SEMA3C: variants seen among roughly 807,000 people sequenced by gnomAD.
SEMA3C encodes the protein semaphorin 3C, also known as semaphorin-3C.
In SEMA3C, 47 loss-of-function variants were observed where a neutral mutation model predicts 89.4. The ratio of observed to expected loss-of-function variants is 0.53; its 90% CI spans 0.42 to 0.67. The LOEUF is 0.67. Ranked by LOEUF, SEMA3C falls within the 30% of genes least tolerant of loss-of-function variation. SEMA3C has a pLI of 0.00. For synonymous variants in SEMA3C, 310 were observed against 320.2 expected (o/e 0.97, Z 0.34); for missense variants, 839 against 929.1 (o/e 0.90, Z 1.26).
intron 5 of SEMA3C, among the ~76,000 whole-genome samples, chr7:80,816,512 A>T (rs1395289284): frequency 1.3e-5 from 2 of 152,198 alleles, no homozygotes; most frequent in African/African-American, 4.8e-5. Context: ...GAGATCTTTT[A>T]TCCTAAACTA....
chr7:80,787,595 T>A (rs879930921), intron 12 of SEMA3C, among the ~76,000 whole-genome samples: 25 of 152,120 alleles, frequency 1.6e-4, no homozygotes, highest in Non-Finnish European at 3.1e-4. Flanking sequence ...TTTCAGTGGT[T>A]AAAAGCCTAT....
chr7:80,902,477 G>A (rs910764044), intron 2 of SEMA3C, among the ~76,000 whole-genome samples: 1 of 152,026 alleles, frequency 6.6e-6, no homozygotes, highest in African/African-American at 2.4e-5. Context: ...ATCTAACTGT[G>A]CATATTAAAA....
chr7:80,745,533 G>A (rs1041007819), intron 17 of SEMA3C, among the ~76,000 whole-genome samples: 1 of 151,362 alleles, frequency 6.6e-6, no homozygotes, highest in Non-Finnish European at 1.5e-5. Flanking sequence ...ATCTAATAGA[G>A]GGTGAAGATA....
chr7:80,829,041 T>C (rs945176863), intron 2 of SEMA3C, among the ~76,000 whole-genome samples: 1 of 151,922 alleles, frequency 6.6e-6, no homozygotes, highest in Non-Finnish European at 1.5e-5. Flanking sequence ...GTGGTATGTG[T>C]CTTTAGTCCC....
intron 2 of SEMA3C, among the ~76,000 whole-genome samples, chr7:80,878,530 T>C (rs1203504194): frequency 2.6e-5 from 4 of 152,144 alleles, no homozygotes; most frequent in African/African-American, 9.7e-5. Flanking sequence ...GGAAGTTAGC[T>C]TGGGCACTGG....
intron 2 of SEMA3C, among the ~76,000 whole-genome samples, chr7:80,882,512 A>T (rs1791370526): frequency 6.9e-6 from 1 of 144,200 alleles, no homozygotes; most frequent in African/African-American, 2.6e-5. Context: ...AAAAAAAGCT[A>T]CCTCATAGAG....
chr7:80,910,201 C>A (rs552688483), intron 2 of SEMA3C, among the ~76,000 whole-genome samples: 1 of 152,128 alleles, frequency 6.6e-6, no homozygotes, highest in South Asian at 2.1e-4. Flanking sequence ...AGCCTCCATG[C>A]CAATTTACTT....
chr7:80,813,594 C>T (rs182050701), intron 5 of SEMA3C, among the ~76,000 whole-genome samples: 6 of 152,302 alleles, frequency 3.9e-5, no homozygotes, highest in Admixed American at 3.3e-4. Context: ...GACTAGTTCT[C>T]TTACTTTGAG....
intron 2 of SEMA3C, 113 bp from the exon 3 acceptor site, chr7:80,828,858 C>T: frequency 2.5e-6 from 2 of 802,026 alleles, no homozygotes; most frequent in East Asian, 5.5e-5. Flanking sequence ...ACATTTTCTT[C>T]TACAGTAAGA....
chr7:80,755,480 A>G (rs1043196181), intron 15 of SEMA3C, among the ~76,000 whole-genome samples: 2 of 151,172 alleles, frequency 1.3e-5, no homozygotes, highest in Admixed American at 6.6e-5. Flanking sequence ...CTTTGCTGAG[A>G]AGGAGTACTG....
upstream of SEMA3C, chr7:80,919,388 G>A (rs929734338): frequency 1.2e-4 from 118 of 985,228 alleles, no homozygotes; most frequent in Middle Eastern, 1.6e-3. Flanking sequence ...GCGCTCCACG[G>A]TTTTTGTTGC....
At chr7:80,820,930 G>A (rs1789731877) in intron 4 of SEMA3C, among the ~76,000 whole-genome samples, 1 of 152,060 alleles carries the variant, frequency 6.6e-6, no homozygotes, top group Non-Finnish European at 1.5e-5. Flanking sequence ...AACAGGTTAT[G>A]TCTCTCTCAT....
intron 2 of SEMA3C, among the ~76,000 whole-genome samples, chr7:80,865,501 A>G (rs891799648): frequency 2.6e-5 from 4 of 152,118 alleles, no homozygotes; most frequent in Admixed American, 2.6e-4. Flanking sequence ...AAGAATGCAT[A>G]TCAAGTCCGG....
chr7:80,778,002 TG>T (rs1788590443), intron 12 of SEMA3C, among the ~76,000 whole-genome samples: 1 of 152,160 alleles, frequency 6.6e-6, no homozygotes, highest in African/African-American at 2.4e-5. Context: ...ATATCTAATG[TG>T]TCAAAAAGTG....
chr7:80,877,834 G>T (rs755612013), intron 2 of SEMA3C, among the ~76,000 whole-genome samples: 1 of 151,898 alleles, frequency 6.6e-6, no homozygotes, highest in Non-Finnish European at 1.5e-5. Flanking sequence ...AATTTCTGAC[G>T]TGTGAGAATG....
rs904429421 is a variant in SEMA3C at position 80,743,340 on chromosome 7, T to A, written c.*1554A>T. 1 of 151,892 alleles carries A rather than the reference T, an allele frequency of 6.6e-6. No homozygotes were observed. Among genetic ancestry groups the A allele is most frequent in the South Asian group, 2.1e-4 (1 of 4,836 alleles). The allele number at this position is 151,892 out of a possible 1,614,324, so 9.4% of individuals were successfully genotyped here. Reference sequence around the variant, plus strand: ...AGTGAATCATATTCTGATATTCTGATTAATAATCATATTAATTTTGACAAT... The same window carrying A: ...AGTGAATCATATTCTGATATTCTGAATAATAATCATATTAATTTTGACAAT... On this transcript the variant is annotated 3_prime_UTR_variant, in exon 18 of 18. Coordinates refer to ENST00000265361, the MANE Select transcript of SEMA3C (RefSeq NM_006379.5).
At chr7:80,897,206 GCTGT>G (rs1562975210) in intron 2 of SEMA3C, among the ~76,000 whole-genome samples, 1 of 152,112 alleles carries the variant, frequency 6.6e-6, no homozygotes, top group Non-Finnish European at 1.5e-5. Flanking sequence ...ATTCATTTTT[GCTGT>G]CTGAGTTATG....
At chr7:80,807,357 C>T (rs777992094) in intron 6 of SEMA3C, among the ~76,000 whole-genome samples, 5 of 152,072 alleles carry the variant, frequency 3.3e-5, no homozygotes, top group Non-Finnish European at 7.4e-5. Context: ...TACTTCATAC[C>T]ACCTTATTAG....
intron 2 of SEMA3C, among the ~76,000 whole-genome samples, chr7:80,907,389 C>A (rs1230426268): frequency 2.0e-5 from 3 of 151,978 alleles, no homozygotes; most frequent in Non-Finnish European, 4.4e-5. Context: ...TCAAAATGCT[C>A]TTTTGGTGAT....
Sources: allele counts gnomAD v4.1 joint callset (sites outside exome capture counted in the v4.1 genomes callset), GRCh38; gene constraint gnomAD v4.1.1; transcripts MANE v1.5; gene names NCBI Gene and HGNC (gene_info 2026-07-23, HGNC 2026-07-21).